The following KAZN variants were observed in gnomAD, a reference collection of about 807,000 sequenced individuals.
KAZN encodes the protein kazrin, periplakin interacting protein, also known as kazrin.
In KAZN, 40 loss-of-function variants were observed where a neutral mutation model predicts 87.4. The ratio of observed to expected loss-of-function variants is 0.46; its 90% CI spans 0.36 to 0.60. The LOEUF (loss-of-function observed/expected upper bound fraction) is 0.60, where lower values mean the gene tolerates loss of function less well. KAZN is among the 20% of genes least tolerant of loss of function. The probability of loss-of-function intolerance (pLI) is 0.00; values close to 1 mark genes in which losing one functional copy is unlikely to be tolerated. For synonymous variants in KAZN, 466 were observed against 458.3 expected, an observed-to-expected ratio of 1.02 and a Z score of -0.22; for missense variants, 898 against 1,073.9, an observed-to-expected ratio of 0.84 and a Z score of 2.29.
chr1:14,243,221 CTT>C (rs1349787427), intron 2 of KAZN, among the ~76,000 whole-genome samples: 2 of 152,168 alleles, frequency 1.3e-5, no homozygotes, highest in Non-Finnish European at 2.9e-5. Flanking sequence ...GCATCTTTCT[CTT>C]TTCTTTGAGA....
At chr1:14,202,041 A>G (rs1226234775) in intron 2 of KAZN, among the ~76,000 whole-genome samples, 1 of 152,206 alleles carries the variant, frequency 6.6e-6, no homozygotes, top group African/African-American at 2.4e-5. Flanking sequence ...GATTCTGTGT[A>G]ATCACTTTAA....
intron 2 of KAZN, among the ~76,000 whole-genome samples, chr1:14,469,582 A>G (rs923045384): frequency 6.6e-6 from 1 of 152,228 alleles, no homozygotes; most frequent in South Asian, 2.1e-4. Flanking sequence ...TGCCAGAGGC[A>G]TTATTTTGCC....
rs115139193 is a variant in KAZN, at chr1:14,334,739, G to T, written c.249+154147G>T. Among the ~76,000 whole-genome samples, 881 of 152,326 alleles carry T rather than the reference G, an allele frequency of 5.8e-3. 8 individuals carry two copies. Among genetic ancestry groups the T allele is most frequent in the African/African-American group, 0.02 (823 of 41,570 alleles). On this transcript the variant is annotated intron_variant, in intron 2 of 16. Coordinates refer to the KAZN transcript ENST00000636203. ...TCACTCAGGTGACTGTTGGCAGAAGGTAGAGTTCCCTGTCACATGGACCCT... is the reference window on the plus strand; with the variant it reads ...TCACTCAGGTGACTGTTGGCAGAAGTTAGAGTTCCCTGTCACATGGACCCT...
chr1:14,183,888 G>C (rs1646250718), intron 2 of KAZN, among the ~76,000 whole-genome samples: 1 of 149,160 alleles, frequency 6.7e-6, no homozygotes, highest in South Asian at 2.2e-4. Context: ...GGCTGAGGGA[G>C]AGTCTGTGCT....
At chr1:14,210,061 G>A (rs897517078) in intron 2 of KAZN, among the ~76,000 whole-genome samples, 6 of 152,164 alleles carry the variant, frequency 3.9e-5, no homozygotes, top group African/African-American at 1.4e-4. Context: ...AGCATGATGA[G>A]AAAGGAAGAT....
At chr1:14,550,175 G>A (rs1350493941) in intron 2 of KAZN, among the ~76,000 whole-genome samples, 1 of 152,166 alleles carries the variant, frequency 6.6e-6, no homozygotes, top group East Asian at 1.9e-4. Context: ...CTAGGATCTG[G>A]GGATACAGAG....
intron 6 of KAZN, chr1:15,060,587 C>T: frequency 2.3e-6 from 1 of 443,798 alleles, no homozygotes; most frequent in Admixed American, 3.5e-5. Context: ...CCCCAGTGGG[C>T]CCTGTCTGGG....
chr1:13,974,591 A>G (rs1205066096), intron 1 of KAZN, among the ~76,000 whole-genome samples: 5 of 152,190 alleles, frequency 3.3e-5, no homozygotes. Context: ...AGAGGAGAAG[A>G]CAATGTGACC....
chr1:14,284,400 G>A (rs987823493), intron 2 of KAZN, among the ~76,000 whole-genome samples: 17 of 152,040 alleles, frequency 1.1e-4, no homozygotes, highest in African/African-American at 1.9e-4. Context: ...CCAGGCAGCC[G>A]TAACAGCCTG....
At chr1:13,901,372 A>C (rs7541948) in intron 1 of KAZN, among the ~76,000 whole-genome samples, 55,423 of 152,094 alleles carry the variant, frequency 0.36, 10,379 homozygotes, top group East Asian at 0.55. Flanking sequence ...CGGAGGAAGC[A>C]GTTTAAGGTT....
intron 2 of KAZN, among the ~76,000 whole-genome samples, chr1:14,437,019 G>C (rs888330231): frequency 1.3e-5 from 2 of 152,110 alleles, no homozygotes; most frequent in Non-Finnish European, 1.5e-5. Flanking sequence ...AACTACCCTG[G>C]ATCCAGACCT....
At chr1:14,628,087 G>A (rs1206209003) in intron 1 of KAZN, among the ~76,000 whole-genome samples, 2 of 152,138 alleles carry the variant, frequency 1.3e-5, no homozygotes, top group Non-Finnish European at 1.5e-5. Context: ...TGTTCTCTGC[G>A]TTATTTTCTG....
chr1:14,490,484 T>G (rs10927443), intron 2 of KAZN, among the ~76,000 whole-genome samples: 33,407 of 151,920 alleles, frequency 0.22, 4,008 homozygotes, highest in Non-Finnish European at 0.28. Context: ...TTGTTTGTTT[T>G]TTTGGTTTGT....
chr1:13,961,653 G>T (rs1466335140), intron 1 of KAZN, among the ~76,000 whole-genome samples: 1 of 152,156 alleles, frequency 6.6e-6, no homozygotes, highest in East Asian at 1.9e-4. Flanking sequence ...CAGTCACTCA[G>T]GGTGACATTG....
intron 2 of KAZN, among the ~76,000 whole-genome samples, chr1:14,392,351 T>C (rs1025540958): frequency 6.6e-6 from 1 of 152,170 alleles, no homozygotes; most frequent in Non-Finnish European, 1.5e-5. Flanking sequence ...GACTCTGTAA[T>C]AGGGAGCGAC....
chr1:14,322,515 A>G (rs764934919), intron 2 of KAZN, among the ~76,000 whole-genome samples: 1 of 152,116 alleles, frequency 6.6e-6, no homozygotes, highest in African/African-American at 2.4e-5. Flanking sequence ...AATCCATTCT[A>G]TAGGAAACCT....
intron 1 of KAZN, among the ~76,000 whole-genome samples, chr1:14,091,716 C>T (rs1396930615): frequency 1.3e-5 from 2 of 151,946 alleles, no homozygotes; most frequent in African/African-American, 2.4e-5. Flanking sequence ...ATCTATGGAC[C>T]CCCTCCTAGG....
intron 2 of KAZN, among the ~76,000 whole-genome samples, chr1:14,392,762 G>A (rs1231909401): frequency 2.6e-5 from 4 of 152,114 alleles, no homozygotes; most frequent in Non-Finnish European, 5.9e-5. Flanking sequence ...GGGGGTGGGG[G>A]GACAAAACTG....
chr1:14,384,315 C>T (rs1661662285), intron 2 of KAZN, among the ~76,000 whole-genome samples: 2 of 151,992 alleles, frequency 1.3e-5, no homozygotes, highest in African/African-American at 4.8e-5. Flanking sequence ...ATTTCCTTCT[C>T]CTGCCTAATT....
Sources: gnomAD v4.1 joint callset for allele counts (sites outside exome capture counted in the v4.1 genomes callset) on GRCh38, gnomAD v4.1.1 for gene constraint, MANE v1.5 for transcripts, NCBI Gene and HGNC (gene_info 2026-07-23, HGNC 2026-07-21) for gene names.